BRAF: variants seen among roughly 807,000 people sequenced by gnomAD.
BRAF encodes the protein serine/threonine-protein kinase B-raf.
BRAF carries 16 observed loss-of-function variants against 104.6 expected under a neutral mutation model. The ratio of observed to expected loss-of-function variants is 0.15; its 90% CI spans 0.10 to 0.23. BRAF has a LOEUF of 0.23. Among genes scored for constraint, BRAF ranks in the 10% least tolerant of loss-of-function variants. The pLI is 1.00. For missense variants in BRAF, 541 were observed against 937.3 expected (o/e 0.58, Z 5.52); for synonymous variants, 310 against 341.6 (o/e 0.91, Z 1.02).
intron 1 of BRAF, among the ~76,000 whole-genome samples, chr7:140,922,092 A>G (rs1818284891): frequency 6.6e-6 from 1 of 152,140 alleles, no homozygotes; most frequent in African/African-American, 2.4e-5. Context: ...TCCCAGCCAA[A>G]TACATTTATT....
chr7:140,749,252 G>T (rs1239395125), intron 17 of BRAF, 35 bp downstream of exon 16: 3 of 1,609,194 alleles, frequency 1.9e-6, no homozygotes, highest in Non-Finnish European at 2.5e-6. Flanking sequence ...GTATATAGAC[G>T]GTAAAATAAA....
Position 140,924,232 on chromosome 7 carries a change from T to C in BRAF, c.138+334A>G, listed in dbSNP as rs977588380. On this transcript the variant is annotated intron_variant, in intron 1 of 19. Transcript: ENST00000644969. This position sits in a 1 kb window ranked among gnomAD's most constrained non-coding sequence, Gnocchi z 4.2. ...CGCCGCCGCCCCCACCCCACAGAGATGCAGAGCTGGATACTTCAGCCAATC... is the reference window on the plus strand; with the variant it reads ...CGCCGCCGCCCCCACCCCACAGAGACGCAGAGCTGGATACTTCAGCCAATC... Among the ~76,000 whole-genome samples the C allele has an allele frequency of 7.2e-5, 11 of 151,758 alleles. No homozygotes were observed. The South Asian group carries it at 2.3e-3, about 32-fold the overall frequency.
chr7:140,743,169 T>A (rs1797070683), intron 17 of BRAF, among the ~76,000 whole-genome samples: 1 of 151,416 alleles, frequency 6.6e-6, no homozygotes, highest in African/African-American at 2.4e-5. Flanking sequence ...GTGTGGCGAT[T>A]CCTCAGGGAT....
At chr7:140,775,267 G>A (rs1342957550) in intron 14 of BRAF, among the ~76,000 whole-genome samples, 1 of 152,112 alleles carries the variant, frequency 6.6e-6, no homozygotes. Flanking sequence ...AGAGACCAGT[G>A]GTGTGGGAAG....
At chr7:140,871,551 C>A (rs1811598282) in intron 1 of BRAF, among the ~76,000 whole-genome samples, 1 of 151,974 alleles carries the variant, frequency 6.6e-6, no homozygotes, top group Non-Finnish European at 1.5e-5. Context: ...TTGAGGAAAC[C>A]TACTCTAACT....
intron 16 of BRAF, among the ~76,000 whole-genome samples, chr7:140,750,859 C>T (rs1435978777): frequency 6.6e-6 from 1 of 151,992 alleles, no homozygotes; most frequent in Non-Finnish European, 1.5e-5. Flanking sequence ...TGCATGTCAC[C>T]TATTTTAAGA....
chr7:140,760,338 T>C (rs1259691717), intron 14 of BRAF, among the ~76,000 whole-genome samples: 2 of 149,888 alleles, frequency 1.3e-5, no homozygotes, highest in African/African-American at 4.9e-5. Context: ...ACTTGAACCC[T>C]GGAGACAGAG....
intron 14 of BRAF, among the ~76,000 whole-genome samples, chr7:140,764,864 C>T (rs999597410): frequency 6.6e-6 from 1 of 152,174 alleles, no homozygotes; most frequent in Non-Finnish European, 1.5e-5. Flanking sequence ...ATGAAAATGG[C>T]CATATTGCCC....
At chr7:140,885,315 T>A (rs547237291) in intron 1 of BRAF, among the ~76,000 whole-genome samples, 2 of 150,636 alleles carry the variant, frequency 1.3e-5, no homozygotes, top group East Asian at 3.9e-4. Flanking sequence ...AAAGTGGCTT[T>A]AAAAAAAAAA....
chr7:140,748,049 C>T (rs1332766619), intron 17 of BRAF, among the ~76,000 whole-genome samples: 2 of 152,130 alleles, frequency 1.3e-5, no homozygotes, highest in Non-Finnish European at 2.9e-5. Flanking sequence ...AGAAATGTAG[C>T]CATTTTTAAA....
chr7:140,828,707 G>A (rs752609522), intron 3 of BRAF, among the ~76,000 whole-genome samples: 4 of 151,906 alleles, frequency 2.6e-5, no homozygotes, highest in Admixed American at 6.6e-5. Context: ...TTCTTATTAC[G>A]ATGATTTAAC....
intron 7 of BRAF, among the ~76,000 whole-genome samples, chr7:140,794,981 A>G (rs532908746): frequency 6.6e-6 from 1 of 152,344 alleles, no homozygotes; most frequent in Admixed American, 6.5e-5. Context: ...AACAATATTG[A>G]AAAATCCTTT....
chr7:140,924,346 G>C lies in BRAF; in HGVS notation c.138+220C>G, dbSNP rs1228432555. ...TGCCCCAATCCCCACATCTGGGGTG[G>C]GGGCCAGGGAAACCCCCCGGGCCAT... is the stretch of plus-strand genomic sequence containing the variant. On this transcript the variant is annotated intron_variant, in intron 1 of 19. Transcript: ENST00000644969. The surrounding 1 kb of genome is among the most constrained non-coding windows in gnomAD (Gnocchi z 4.2). 2.0e-5 allele frequency among the ~76,000 whole-genome samples: 3 copies of C among 152,146 alleles called. No individual in the cohort carries two copies. Among genetic ancestry groups the C allele is most frequent in the Non-Finnish European group, 2.9e-5 (2 of 68,006 alleles).
chr7:140,811,685 G>A (rs1562971383), intron 3 of BRAF, among the ~76,000 whole-genome samples: 1 of 152,132 alleles, frequency 6.6e-6, no homozygotes, highest in Non-Finnish European at 1.5e-5. Context: ...ACAATTAGAT[G>A]TACAAAAAAT....
At chr7:140,860,631 A>G (rs954660593) in intron 1 of BRAF, among the ~76,000 whole-genome samples, 4 of 152,214 alleles carry the variant, frequency 2.6e-5, no homozygotes, top group African/African-American at 9.6e-5. Context: ...CACCTGGGCA[A>G]CAGAGCAAGA....
chr7:140,834,200 G>A (rs973535362), intron 3 of BRAF: 16 of 246,094 alleles, frequency 6.5e-5, no homozygotes, highest in Non-Finnish European at 1.0e-4. Context: ...TGAAGTAGAT[G>A]AGGGGAAACA....
chr7:140,736,162 C>A (rs1289329111), intron 18 of BRAF, among the ~76,000 whole-genome samples: 14 of 151,612 alleles, frequency 9.2e-5, no homozygotes, highest in Non-Finnish European at 2.9e-5. Flanking sequence ...CCTCCGCCTC[C>A]CAGGTTCAAG....
Position 140,794,483 on chromosome 7 carries a change from C to T in BRAF, c.981-16G>A. 6.2e-7 allele frequency: 1 copy of T among 1,612,688 alleles called. No individual in the cohort carries two copies. Among genetic ancestry groups the T allele is most frequent in the East Asian group, 2.2e-5 (1 of 44,858 alleles). The stretch of plus-strand genomic sequence containing the variant: ...AATTTGGGGCCTGGAAAAATGAAGT[C>T]ATTGGAAGATAAGATTCAGAGTAAC... On this transcript the variant is annotated splice_polypyrimidine_tract_variant and intron_variant, in intron 7 of 19. Transcript: ENST00000644969.
intron 1 of BRAF, among the ~76,000 whole-genome samples, chr7:140,852,890 T>C (rs913077097): frequency 2.6e-5 from 4 of 152,202 alleles, no homozygotes; most frequent in Non-Finnish European, 5.9e-5. Flanking sequence ...CTCCCTTCTT[T>C]GAGTAAACCA....
Sources: allele counts gnomAD v4.1 joint callset (sites outside exome capture counted in the v4.1 genomes callset), GRCh38; gene constraint gnomAD v4.1.1; non-coding constraint Gnocchi (gnomAD v3.1); transcripts MANE v1.5; gene names NCBI Gene and HGNC (gene_info 2026-07-23, HGNC 2026-07-21).